Variants in SPIN2A observed in about 807,000 individuals in gnomAD.
SPIN2A encodes the protein spindlin family member 2A, also known as spindlin-2A.
A neutral mutation model predicts 9.2 loss-of-function variants in SPIN2A; 4 were observed. The ratio of observed to expected loss-of-function variants is 0.44; its 90% CI spans 0.21 to 1.00. SPIN2A has a LOEUF of 1.00. Ranked by LOEUF, SPIN2A falls within the 50% of genes least tolerant of loss-of-function variation. The pLI, the probability that SPIN2A is intolerant of heterozygous loss-of-function variation, is 0.26. For synonymous variants in SPIN2A, 25 were observed against 61.2 expected, an observed-to-expected ratio of 0.41 and a Z score of 2.76; for missense variants, 77 against 172.8, an observed-to-expected ratio of 0.45 and a Z score of 3.11.
At chrX:57,137,883 A>G (rs981461488), upstream of SPIN2A, among the ~76,000 whole-genome samples, 1 of 111,780 alleles carries the variant, frequency 8.9e-6, no homozygotes, top group Non-Finnish European at 1.9e-5. Context: ...ATATATATAT[A>G]TCTCCAAGCA....
the SPIN2A span, among the ~76,000 whole-genome samples, chrX:57,146,777 G>A: frequency 2.7e-5 from 3 of 111,834 alleles, no homozygotes; most frequent in Admixed American, 9.5e-5. Context: ...ATCATAAAGT[G>A]CTGCTGGCTT....
At chrX:57,145,253 T>TGG in the SPIN2A span, among the ~76,000 whole-genome samples, 8,386 of 102,137 alleles carry the variant, frequency 0.082, 1,294 homozygotes, top group African/African-American at 0.31. Flanking sequence ...ATCATTCTTT[T>TGG]GGGGGGGGGT....
chrX:57,139,762 T>C (rs1356133299), upstream of SPIN2A, among the ~76,000 whole-genome samples: 1 of 111,721 alleles, frequency 9.0e-6, no homozygotes, highest in African/African-American at 3.3e-5. Flanking sequence ...CCCCATAGGT[T>C]TATAGTATAA....
chrX:57,134,961 C>CT (rs1329727317), downstream of SPIN2A: 1 of 112,142 alleles, frequency 8.9e-6, no homozygotes, highest in African/African-American at 3.2e-5. Context: ...CATCTGGCAT[C>CT]TTTGACAGTT....
At chrX:57,145,262 G>T in the SPIN2A span, among the ~76,000 whole-genome samples, 1 of 105,184 alleles carries the variant, frequency 9.5e-6, no homozygotes, top group African/African-American at 3.8e-5. Flanking sequence ...TTGGGGGGGG[G>T]TAAGGTGGTA....
chrX:57,137,881 A>G (rs778167612), upstream of SPIN2A, among the ~76,000 whole-genome samples: 1 of 111,847 alleles, frequency 8.9e-6, no homozygotes, highest in East Asian at 2.8e-4. Flanking sequence ...ATATATATAT[A>G]TATCTCCAAG....
At chrX:57,135,594 C>T (rs1927668646), downstream of SPIN2A, 28 of 651,512 alleles carry the variant, frequency 4.3e-5, no homozygotes, top group South Asian at 8.1e-4. Context: ...TTCCATGCCC[C>T]ATCTACCAAA....
chrX:57,134,646 T>C (rs1389938791), downstream of SPIN2A: 4 of 111,474 alleles, frequency 3.6e-5, no homozygotes, highest in Non-Finnish European at 7.5e-5. Context: ...CAGTAAGATT[T>C]CATTTTTTCT....
chrX:57,145,256 G>T, the SPIN2A span, among the ~76,000 whole-genome samples: 2 of 107,896 alleles, frequency 1.9e-5, no homozygotes, highest in African/African-American at 7.1e-5. Flanking sequence ...ATTCTTTTGG[G>T]GGGGGGTAAG....
the SPIN2A span, among the ~76,000 whole-genome samples, chrX:57,144,413 T>G: frequency 2.3e-4 from 25 of 110,115 alleles, 1 homozygote; most frequent in African/African-American, 7.9e-4. Context: ...TACCCTGATC[T>G]CTCTACATCC....
downstream of SPIN2A, chrX:57,135,478 C>A: frequency 3.9e-6 from 1 of 255,308 alleles, no homozygotes; most frequent in Admixed American, 6.3e-5. Context: ...GTTCCTTCCC[C>A]TGCCCCCTCC....
chrX:57,141,684 A>G (rs1221858125), upstream of SPIN2A, among the ~76,000 whole-genome samples: 1 of 111,305 alleles, frequency 9.0e-6, no homozygotes, highest in Non-Finnish European at 1.9e-5. Context: ...CTAGGAATTT[A>G]CCCATTTCTT....
chrX:57,146,826 G>T, the SPIN2A span, among the ~76,000 whole-genome samples: 2 of 111,760 alleles, frequency 1.8e-5, no homozygotes, highest in Non-Finnish European at 3.8e-5. Context: ...AGACAATCAG[G>T]TGATTTTTGT....
At chrX:57,142,551 T>C in the SPIN2A span, among the ~76,000 whole-genome samples, 1 of 112,284 alleles carries the variant, frequency 8.9e-6, no homozygotes, top group East Asian at 2.8e-4. Flanking sequence ...GAATGTTCCA[T>C]GTGCTGAGGA....
At chrX:57,142,456 G>A (rs1928028444), upstream of SPIN2A, among the ~76,000 whole-genome samples, 1 of 111,885 alleles carries the variant, frequency 8.9e-6, no homozygotes, top group Non-Finnish European at 1.9e-5. Context: ...TTCCATTGTA[G>A]TTAGAAAAGA....
rs2020226 is a variant in SPIN2A, at chrX:57,135,842, G to A, written c.756C>T (p.Tyr252=). 1.8e-3 allele frequency: 2,206 copies of A among 1,202,806 alleles called. 22 individuals are homozygous for A. The African/African-American group carries it at 0.033, about 18-fold the overall frequency. ...KFDDDFHIYV[Y]DLVKKS is the part of the protein sequence containing the mutation. ...ACAGTTAGGACTTTTTCACCAAATC[G>A]TAGACATAGATATGGAAATCATCAT... is the stretch of plus-strand genomic sequence containing the variant. Residue 252 remains tyrosine (Y), a synonymous_variant, in exon 2 of 2, where the codon TAC becomes TAT. Transcript: ENST00000374906.
chrX:57,139,603 G>A (rs961439187), upstream of SPIN2A, among the ~76,000 whole-genome samples: 3 of 110,898 alleles, frequency 2.7e-5, no homozygotes, highest in Non-Finnish European at 3.8e-5. Flanking sequence ...ACAGGTGCCC[G>A]CCACCACACT....
chrX:57,138,410 T>A (rs1257035905), upstream of SPIN2A, among the ~76,000 whole-genome samples: 1 of 109,995 alleles, frequency 9.1e-6, no homozygotes, highest in Non-Finnish European at 1.9e-5. Flanking sequence ...TATGGTGGAA[T>A]AATATTTTAT....
At chrX:57,135,127 T>TC (rs1238948688), downstream of SPIN2A, 2 of 112,078 alleles carry the variant, frequency 1.8e-5, no homozygotes, top group Non-Finnish European at 3.7e-5. Flanking sequence ...TTTGAATTCC[T>TC]CCTTCCTCAG....
Sources: gnomAD v4.1 joint callset for allele counts (sites outside exome capture counted in the v4.1 genomes callset) on GRCh38, gnomAD v4.1.1 for gene constraint, MANE v1.5 for transcripts, NCBI Gene and HGNC (gene_info 2026-07-23, HGNC 2026-07-21) for gene names.